The following AGBL4 variants were observed in gnomAD, a reference collection of about 807,000 sequenced individuals.
AGBL4 encodes the protein AGBL carboxypeptidase 4.
In AGBL4, 58 loss-of-function variants were observed where a neutral mutation model predicts 66.4. The ratio of observed to expected loss-of-function variants is 0.87; its 90% CI spans 0.71 to 1.09. The LOEUF is 1.09. Among genes scored for constraint, AGBL4 ranks in the 50% least tolerant of loss-of-function variants. AGBL4 has a pLI of 0.00. For synonymous variants in AGBL4, 234 were observed against 222.9 expected (o/e 1.05, Z -0.44); for missense variants, 579 against 631.0 (o/e 0.92, Z 0.88).
chr1:49,009,413 G>A (rs1431360018), intron 5 of AGBL4, among the ~76,000 whole-genome samples: 4 of 149,478 alleles, frequency 2.7e-5, no homozygotes, highest in Admixed American at 2.7e-4. Context: ...AAGAGTCCAG[G>A]ACCAGATGGA....
intron 3 of AGBL4, among the ~76,000 whole-genome samples, chr1:49,602,825 A>C (rs1229403284): frequency 1.1e-4 from 4 of 35,172 alleles, no homozygotes; most frequent in Admixed American, 3.2e-4. Context: ...AAAGTACAAT[A>C]AATAAATAAA....
chr1:49,746,474 A>G (rs1390359594), intron 2 of AGBL4, among the ~76,000 whole-genome samples: 1 of 151,868 alleles, frequency 6.6e-6, no homozygotes, highest in Non-Finnish European at 1.5e-5. Flanking sequence ...AGATCTGAAC[A>G]ACATAGTATC....
intron 6 of AGBL4, among the ~76,000 whole-genome samples, chr1:48,754,760 G>A (rs1005440805): frequency 5.3e-5 from 8 of 152,112 alleles, no homozygotes; most frequent in African/African-American, 1.9e-4. Context: ...GGAAAGTTCT[G>A]TTTTACAGAG....
chr1:49,033,063 G>A (rs941784070), intron 5 of AGBL4, among the ~76,000 whole-genome samples: 1 of 152,104 alleles, frequency 6.6e-6, no homozygotes, highest in African/African-American at 2.4e-5. Flanking sequence ...CAGGGTTAAG[G>A]TTTGGAATGG....
At chr1:49,465,105 T>TA (rs1469221452) in intron 3 of AGBL4, among the ~76,000 whole-genome samples, 2 of 151,538 alleles carry the variant, frequency 1.3e-5, no homozygotes, top group Non-Finnish European at 3.0e-5. Context: ...GTGAGGTACA[T>TA]ACACTGTGGA....
At chr1:48,728,634 G>A (rs1320796987) in intron 6 of AGBL4, among the ~76,000 whole-genome samples, 2 of 152,014 alleles carry the variant, frequency 1.3e-5, no homozygotes, top group African/African-American at 4.8e-5. Context: ...TGGATACTTG[G>A]TTTTGCAATT....
At chr1:49,199,653 C>T (rs772822275) in intron 4 of AGBL4, among the ~76,000 whole-genome samples, 2 of 152,158 alleles carry the variant, frequency 1.3e-5, no homozygotes, top group East Asian at 3.9e-4. Flanking sequence ...TCAAAACACA[C>T]TTAGTCTCCT....
intron 3 of AGBL4, among the ~76,000 whole-genome samples, chr1:49,365,851 C>T (rs1426193617): frequency 2.0e-5 from 3 of 152,124 alleles, no homozygotes; most frequent in African/African-American, 7.2e-5. Context: ...CTGTTACTTA[C>T]TAGGTAGTAG....
intron 5 of AGBL4, among the ~76,000 whole-genome samples, chr1:49,011,516 C>T (rs1662409218): frequency 1.3e-5 from 2 of 152,298 alleles, no homozygotes; most frequent in South Asian, 4.1e-4. Flanking sequence ...TTTAACCCTG[C>T]CATCCCATTA....
chr1:49,735,203 G>A (rs1049774526), intron 2 of AGBL4, among the ~76,000 whole-genome samples: 2 of 151,822 alleles, frequency 1.3e-5, no homozygotes, highest in African/African-American at 4.8e-5. Flanking sequence ...TGTGATTACA[G>A]TAAGACCATA....
At chr1:48,841,117 G>C (rs904711565) in intron 6 of AGBL4, among the ~76,000 whole-genome samples, 7 of 152,164 alleles carry the variant, frequency 4.6e-5, no homozygotes, top group Non-Finnish European at 5.9e-5. Context: ...TTAGGAGGAA[G>C]GGTGTGACTA....
intron 5 of AGBL4, among the ~76,000 whole-genome samples, chr1:48,962,129 C>G (rs1296143108): frequency 1.8e-5 from 2 of 114,086 alleles, no homozygotes; most frequent in Admixed American, 1.8e-4. Flanking sequence ...ATCCATCCGT[C>G]CATCCATCCA....
intron 6 of AGBL4, among the ~76,000 whole-genome samples, chr1:48,698,198 G>A (rs1471057316): frequency 6.6e-6 from 1 of 152,196 alleles, no homozygotes; most frequent in African/African-American, 2.4e-5. Flanking sequence ...CACTGAGGAT[G>A]GTTACCAGGC....
At chr1:49,449,264 A>T (rs1393798347) in intron 3 of AGBL4, among the ~76,000 whole-genome samples, 1 of 152,100 alleles carries the variant, frequency 6.6e-6, no homozygotes. Context: ...TCTCTGATAT[A>T]CTGTGTTACA....
intron 3 of AGBL4, among the ~76,000 whole-genome samples, chr1:49,576,571 G>A (rs1033636581): frequency 3.3e-5 from 5 of 152,344 alleles, no homozygotes; most frequent in South Asian, 2.1e-4. Context: ...GTCACCATGC[G>A]AATTGAACTG....
intron 3 of AGBL4, among the ~76,000 whole-genome samples, chr1:49,505,954 G>T (rs953894724): frequency 2.6e-5 from 4 of 151,326 alleles, no homozygotes; most frequent in Admixed American, 2.6e-4. Flanking sequence ...CTGTCTTCAG[G>T]TTTACAGATT....
At chr1:48,824,954 A>G (rs1051504085) in intron 6 of AGBL4, among the ~76,000 whole-genome samples, 3 of 152,184 alleles carry the variant, frequency 2.0e-5, no homozygotes, top group East Asian at 1.9e-4. Flanking sequence ...CAGTTTCTCC[A>G]TTTATGCAAT....
At chr1:49,811,957 CCA>C (rs755431975) in intron 2 of AGBL4, among the ~76,000 whole-genome samples, 1 of 152,146 alleles carries the variant, frequency 6.6e-6, no homozygotes, top group Non-Finnish European at 1.5e-5. Context: ...CATGTTGCCT[CCA>C]CAGTGTTACA....
intron 2 of AGBL4, among the ~76,000 whole-genome samples, chr1:49,706,607 C>G (rs987684335): frequency 1.3e-5 from 2 of 152,072 alleles, no homozygotes; most frequent in Non-Finnish European, 2.9e-5. Flanking sequence ...TTTCTTTCCT[C>G]TTGCTTCTCT....
Sources: allele counts gnomAD v4.1 joint callset (sites outside exome capture counted in the v4.1 genomes callset), GRCh38; gene constraint gnomAD v4.1.1; transcripts MANE v1.5; gene names NCBI Gene and HGNC (gene_info 2026-07-23, HGNC 2026-07-21).